ADAM17: variants seen among roughly 807,000 people sequenced by gnomAD.
The protein encoded by ADAM17 is ADAM metallopeptidase domain 17, also known as disintegrin and metalloproteinase domain-containing protein 17.
In ADAM17, 39 loss-of-function variants were observed where a neutral mutation model predicts 96.7. The observed-to-expected ratio is 0.40, with a 90% CI of 0.31 to 0.53. The LOEUF is 0.53. ADAM17 is among the 20% of genes least tolerant of loss of function. ADAM17 has a pLI of 0.44. For synonymous variants in ADAM17, 344 were observed against 359.2 expected, an observed-to-expected ratio of 0.96 and a Z score of 0.48; for missense variants, 777 against 1,013.2, an observed-to-expected ratio of 0.77 and a Z score of 3.17.
intron 14 of ADAM17, among the ~76,000 whole-genome samples, chr2:9,495,322 G>A (rs969846713): frequency 6.6e-6 from 1 of 152,258 alleles, no homozygotes; most frequent in African/African-American, 2.4e-5. Flanking sequence ...TGTGAGCCAT[G>A]TGGGCATACA....
At chr2:9,500,288 C>A (rs1662922102) in intron 13 of ADAM17, among the ~76,000 whole-genome samples, 1 of 152,136 alleles carries the variant, frequency 6.6e-6, no homozygotes, top group Non-Finnish European at 1.5e-5. Context: ...TGAAAGAAGC[C>A]AGTCATACAA....
At chr2:9,536,186 T>G (rs1664952612) in intron 3 of ADAM17, among the ~76,000 whole-genome samples, 1 of 152,184 alleles carries the variant, frequency 6.6e-6, no homozygotes, top group Non-Finnish European at 1.5e-5. Flanking sequence ...TTTTATCTAC[T>G]TCTAGGTAAA....
rs570084576 is a variant in ADAM17 at position 9,514,037 on chromosome 2, A to G, written c.1191+3864T>C. 3.4e-4 allele frequency among the ~76,000 whole-genome samples: 51 copies of G among 151,942 alleles called. 1 individual carries two copies. The South Asian group carries it at 0.01, about 30-fold the overall frequency. ...AAAAAAAAAAAAAGAAAAGAAAAAA[A>G]GAAATTAAAAGATTCCCAAAAGCTA... On this transcript the variant is annotated intron_variant, in intron 10 of 18. Transcript: ENST00000310823.
chr2:9,490,561 G>C, intron 18 of ADAM17, 43 bp from the exon 19 acceptor site: 1 of 1,544,288 alleles, frequency 6.5e-7, no homozygotes, highest in South Asian at 1.2e-5. Flanking sequence ...AATAAAAGAT[G>C]AATCGGAGGT....
In ADAM17 at chr2:9,489,405, T is replaced by C. The variant is rs553628412; in HGVS notation, c.*772A>G. ...GCCAATAGTGAATTTTCTAAGAGCATGTATCCCTATCAGTAACAGGGATAC... is the reference window on the plus strand; with the variant it reads ...GCCAATAGTGAATTTTCTAAGAGCACGTATCCCTATCAGTAACAGGGATAC... On this transcript the variant is annotated 3_prime_UTR_variant, in exon 19 of 19. Coordinates refer to ENST00000310823, the MANE Select transcript of ADAM17 (RefSeq NM_003183.6). 26 of 149,688 alleles carry C rather than the reference T, an allele frequency of 1.7e-4. No homozygotes were observed. Among genetic ancestry groups the C allele is most frequent in the African/African-American group, 5.2e-4 (21 of 40,116 alleles). 9.3% of individuals were successfully genotyped at this position (149,688 alleles called of 1,614,324 possible).
chr2:9,517,239 C>T (rs1310421752), intron 10 of ADAM17, among the ~76,000 whole-genome samples: 1 of 152,048 alleles, frequency 6.6e-6, no homozygotes, highest in Non-Finnish European at 1.5e-5. Flanking sequence ...TATTTGTAGT[C>T]AAACACATTT....
chr2:9,553,833 G>A (rs1165763015), intron 1 of ADAM17, among the ~76,000 whole-genome samples: 2 of 152,166 alleles, frequency 1.3e-5, no homozygotes, highest in Non-Finnish European at 2.9e-5. Context: ...GGAGGCCCAG[G>A]TGGGCGGATC....
intron 10 of ADAM17, among the ~76,000 whole-genome samples, chr2:9,512,887 G>A (rs770642976): frequency 1.9e-4 from 29 of 152,162 alleles, no homozygotes; most frequent in African/African-American, 2.4e-5. Context: ...AAACTCATTC[G>A]TGTGCCAGGA....
At chr2:9,543,040 AC>A (rs1665272134) in intron 2 of ADAM17, 112 bp downstream of exon 2, 1 of 1,304,482 alleles carries the variant, frequency 7.7e-7, no homozygotes, top group Non-Finnish European at 1.0e-6. Context: ...GAAATTAATT[AC>A]AAATCTTTAA....
At position 9,489,637 on chromosome 2, in the gene ADAM17, C is replaced by T. The variant is rs762493910; in HGVS notation, c.*540G>A. 1 of 141,570 alleles carries T rather than the reference C, an allele frequency of 7.1e-6. No homozygotes were observed. The highest frequency in any genetic ancestry group is 1.5e-5 in the Non-Finnish European group (1 of 66,498). The allele number at this position is 141,570 out of a possible 1,614,324, so 8.8% of individuals were successfully genotyped here. A position where few individuals can be genotyped will look rare whatever the true frequency, so the allele number is the denominator to read the frequency against. On this transcript the variant is annotated 3_prime_UTR_variant, in exon 19 of 19. Transcript: ENST00000310823. ...ATTTAGATATATATTTTCCCTGCTA[C>T]ATAAAAACTCTGGGTAATAACTAGA...
chr2:9,527,753 T>C lies in ADAM17; in HGVS notation c.619+33A>G, dbSNP rs755121747. 1.1e-5 allele frequency: 16 copies of C among 1,429,508 alleles called. No homozygotes were observed. The Admixed American group carries it at 3.9e-4, about 34-fold the overall frequency. 88.6% of individuals were successfully genotyped at this position (1,429,508 alleles called of 1,614,324 possible). On this transcript the variant is annotated intron_variant, in intron 5 of 18. Coordinates refer to ENST00000310823, the MANE Select transcript of ADAM17 (RefSeq NM_003183.6). ...ACTGAAGTCAATTGTAGTATGTTTG[T>C]TTCTTATTTGAAATACACTCTTTAA... is the stretch of plus-strand genomic sequence containing the variant.
At chr2:9,535,489 A>T (rs542999188) in intron 4 of ADAM17, among the ~76,000 whole-genome samples, 1 of 152,290 alleles carries the variant, frequency 6.6e-6, no homozygotes, top group Admixed American at 6.5e-5. Context: ...TAGCAGAAAA[A>T]CAGAGAAATT....
rs1421212478 is a variant in ADAM17 at position 9,555,573 on chromosome 2, C to G, written c.33G>C (p.Val11=). 1.3e-6 allele frequency: 2 copies of G among 1,599,566 alleles called. No individual in the cohort carries two copies. The change falls in exon 1 of 19, where the codon GTG becomes GTC. Residue 11 remains valine, a synonymous_variant. Coordinates refer to ENST00000310823, the MANE Select transcript of ADAM17 (RefSeq NM_003183.6). ...GTCGCGGCGCCAGCACGAAAGGAAC[C>G]ACGCTGGTCAGGAATAGGAGAGACT... is the stretch of plus-strand genomic sequence containing the variant. MRQSLLFLTS[V]VPFVLAPRPP...
At chr2:9,520,988 G>GAAAA (rs1234369493) in intron 8 of ADAM17, among the ~76,000 whole-genome samples, 20 of 112,112 alleles carry the variant, frequency 1.8e-4, no homozygotes, top group African/African-American at 3.0e-4. Flanking sequence ...AAAAAAAAAG[G>GAAAA]AAGCATTGCT....
chr2:9,490,374 C>G lies in ADAM17; in HGVS notation c.2278G>C (p.Asp760His). The stretch of plus-strand genomic sequence containing the variant: ...GTGCTGGGGTCTTCCTGGATGGTGT[C>G]CATTCTCTGGTGGTCCAGTTTTGGA... ...AAPKLDHQRM[D>H]TIQEDPSTDS... Residue 760 changes from aspartate to histidine, a missense_variant, in exon 19 of 19, where the codon GAC becomes CAC. Transcript: ENST00000310823. 6 of 1,614,130 alleles carry G rather than the reference C, an allele frequency of 3.7e-6. No individual in the cohort carries two copies. The highest frequency in any genetic ancestry group is 5.1e-6 in the Non-Finnish European group (6 of 1,180,028).
intron 10 of ADAM17, chr2:9,512,330 A>C (rs1317450613): frequency 6.6e-6 from 1 of 152,162 alleles, no homozygotes; most frequent in Non-Finnish European, 1.5e-5. Context: ...AAAGTTCTGG[A>C]AGACCAAAGA....
intron 1 of ADAM17, among the ~76,000 whole-genome samples, chr2:9,549,216 C>G (rs2125044761): frequency 6.6e-6 from 1 of 152,134 alleles, no homozygotes; most frequent in East Asian, 1.9e-4. Context: ...ACTAAAAATA[C>G]AAAAATTAGC....
intron 10 of ADAM17, among the ~76,000 whole-genome samples, chr2:9,516,714 C>A (rs1664076592): frequency 6.6e-6 from 1 of 152,128 alleles, no homozygotes; most frequent in African/African-American, 2.4e-5. Context: ...GATGGTGCCA[C>A]TGCCCTCCAG....
intron 4 of ADAM17, among the ~76,000 whole-genome samples, chr2:9,531,306 G>A (rs189480482): frequency 6.3e-4 from 95 of 150,672 alleles, no homozygotes; most frequent in Non-Finnish European, 1.1e-3. Flanking sequence ...GGTGGCTCAC[G>A]TCTGTCATCC....
Sources: gnomAD v4.1 joint callset for allele counts (sites outside exome capture counted in the v4.1 genomes callset) on GRCh38, gnomAD v4.1.1 for gene constraint, MANE v1.5 for transcripts, NCBI Gene and HGNC (gene_info 2026-07-23, HGNC 2026-07-21) for gene names.